The following ADAMTS7 variants were observed in gnomAD, a reference collection of about 807,000 sequenced individuals.
ADAMTS7 encodes A disintegrin and metalloproteinase with thrombospondin motifs 7.
ADAMTS7 carries 89 observed loss-of-function variants against 172.6 expected under a neutral mutation model. The ratio of observed to expected loss-of-function variants is 0.52; its 90% confidence interval spans 0.43 to 0.61. The LOEUF (loss-of-function observed/expected upper bound fraction) is 0.61, where lower values mean the gene tolerates loss of function less well. Ranked by LOEUF, ADAMTS7 falls within the 20% of genes least tolerant of loss-of-function variation. The pLI, the probability that ADAMTS7 is intolerant of heterozygous loss-of-function variation, is 0.00. For synonymous variants in ADAMTS7, 885 were observed against 978.4 expected, an observed-to-expected ratio of 0.90 and a Z score of 1.78; for missense variants, 1,973 against 2,355.6, an observed-to-expected ratio of 0.84 and a Z score of 3.36.
intron 8 of ADAMTS7, among the ~76,000 whole-genome samples, chr15:78,783,198 G>C (rs2055455838): frequency 6.6e-6 from 1 of 152,194 alleles, no homozygotes; most frequent in African/African-American, 2.4e-5. Context: ...GAAGAGTCCT[G>C]CCCAAGTCCA....
intron 10 of ADAMTS7, 107 bp downstream of exon 10, chr15:78,776,642 C>T (rs774097693): frequency 8.4e-7 from 1 of 1,196,806 alleles, no homozygotes. Context: ...TGGGGCTCTG[C>T]TAGGAGCACA....
intron 1 of ADAMTS7, among the ~76,000 whole-genome samples, chr15:78,805,949 G>A (rs140038483): frequency 7.8e-4 from 118 of 151,844 alleles, no homozygotes; most frequent in Admixed American, 2.6e-3. Flanking sequence ...GCATGGTGGT[G>A]TATGCCTATA....
chr15:78,770,437 G>A (rs1411644345), intron 16 of ADAMTS7, among the ~76,000 whole-genome samples: 1 of 140,668 alleles, frequency 7.1e-6, no homozygotes, highest in Non-Finnish European at 1.5e-5. Context: ...CTGAGGTGTG[G>A]GGAGATCAAG....
chr15:78,798,496 A>G (rs1358240511), intron 2 of ADAMTS7, among the ~76,000 whole-genome samples: 2 of 151,948 alleles, frequency 1.3e-5, no homozygotes, highest in Admixed American at 6.6e-5. Flanking sequence ...GCTATTCTCC[A>G]TCTCCTCTGC....
At chr15:78,804,933 G>C (rs1317433721) in intron 1 of ADAMTS7, among the ~76,000 whole-genome samples, 2 of 152,198 alleles carry the variant, frequency 1.3e-5, no homozygotes, top group Non-Finnish European at 2.9e-5. Flanking sequence ...AGAGCCTCCG[G>C]GAACTGTGAT....
At position 78,763,692 on chromosome 15, in the gene ADAMTS7, G is replaced by A. The variant is rs374374714; in HGVS notation, c.4740+7C>T. ...TGCTCCCTGCTCCTCCCCGCAGCCC[G>A]GCTCACCTGGCCCCAGGGCCCCACC... On this transcript the variant is annotated splice_region_variant and intron_variant, in intron 22 of 23. Coordinates refer to ENST00000388820, the MANE Select transcript of ADAMTS7 (RefSeq NM_014272.5). 13 of 1,524,862 alleles carry A rather than the reference G, an allele frequency of 8.5e-6. No homozygotes were observed. The highest frequency in any genetic ancestry group is 4.6e-5 in the East Asian group (2 of 43,946). The allele number at this position is 1,524,862 out of a possible 1,614,324, so 94.5% of individuals were successfully genotyped here.
chr15:78,798,248 C>A lies in ADAMTS7; in HGVS notation c.457-135G>T. 4 of 819,054 alleles carry A rather than the reference C, an allele frequency of 4.9e-6. No homozygotes were observed. The South Asian group carries it at 6.4e-5, about 13-fold the overall frequency. The allele number at this position is 819,054 out of a possible 1,614,324, so 50.7% of individuals were successfully genotyped here. A position where few individuals can be genotyped will look rare whatever the true frequency, so the allele number is the denominator to read the frequency against. ...TGTGACTGCCCGCGGACACACTGTA[C>A]TTTCCTCCCGCTGGGCCTTTGCTCA... is the stretch of plus-strand genomic sequence containing the variant. On this transcript the variant is annotated intron_variant, in intron 2 of 23. Transcript: ENST00000388820.
At chr15:78,783,606 T>A (rs1347027040) in intron 8 of ADAMTS7, among the ~76,000 whole-genome samples, 2 of 152,182 alleles carry the variant, frequency 1.3e-5, no homozygotes, top group East Asian at 1.9e-4. Context: ...AAACAAATAT[T>A]TTTTTAAAAA....
chr15:78,811,084 G>A (rs1222692373), intron 1 of ADAMTS7, 37 bp downstream of exon 1: 59 of 1,229,262 alleles, frequency 4.8e-5, no homozygotes, highest in Non-Finnish European at 5.8e-5. Flanking sequence ...GGGAAGGGGT[G>A]GCAGGCCCGG....
chr15:78,762,217 G>A (rs1384609825), intron 23 of ADAMTS7, 186 bp downstream of exon 23: 1 of 738,668 alleles, frequency 1.4e-6, no homozygotes, highest in Non-Finnish European at 1.7e-6. Flanking sequence ...CTGACTCCCA[G>A]CACAGCCCAG....
chr15:78,780,678 C>G (rs1299966053), intron 8 of ADAMTS7, among the ~76,000 whole-genome samples: 1 of 151,870 alleles, frequency 6.6e-6, no homozygotes, highest in East Asian at 1.9e-4. Context: ...CCCTCCAGTG[C>G]CCCCCCACCA....
rs3825807 is a variant in ADAMTS7, at chr15:78,796,769, A to G, written c.640T>C (p.Ser214Pro). 649,162 of 1,609,266 alleles carry G rather than the reference A, an allele frequency of 0.4. 137,567 individuals are homozygous for G. Among genetic ancestry groups the G allele is most frequent in the Non-Finnish European group, 0.45 (525,265 of 1,179,160 alleles). Residue 214 changes from serine to proline, a missense_variant, in exon 4 of 24, where the codon TCT becomes CCT. Physicochemically the swap from Ser to Pro is moderately conservative, Grantham distance 74. Around this residue, in one of 8 missense-constraint regions of ADAMTS7, gnomAD observed 526 missense variants for 662.9 expected, o/e 0.79. Coordinates refer to ENST00000388820, the MANE Select transcript of ADAMTS7 (RefSeq NM_014272.5). ...CGVQVYPELE[S>P]RRERWEQRQQ... ...CGCTGCTCCCAACGCTCCCGTCGAG[A>G]CTCCAGCTCTGGGTACACTGGAGGC...
intron 1 of ADAMTS7, among the ~76,000 whole-genome samples, chr15:78,808,073 C>G (rs771178444): frequency 1.5e-4 from 23 of 152,006 alleles, no homozygotes; most frequent in South Asian, 4.1e-4. Flanking sequence ...CCAGGCTGGT[C>G]TTGAATTTCT....
Position 78,771,563 on chromosome 15 carries a change from C to T in ADAMTS7, c.2376+22G>A. On this transcript the variant is annotated intron_variant, in intron 15 of 23. Transcript: ENST00000388820. This position sits in a 1 kb window ranked among gnomAD's most constrained non-coding sequence, Gnocchi z 4.9. ...GGGACTCCGCCTCTGCTCCCCCCGCCTGGGCCACGGGAGGCAGGCACCTGG... is the reference window on the plus strand; with the variant it reads ...GGGACTCCGCCTCTGCTCCCCCCGCTTGGGCCACGGGAGGCAGGCACCTGG... 6.3e-7 allele frequency: 1 copy of T among 1,584,426 alleles called. No individual in the cohort carries two copies. The highest frequency in any genetic ancestry group is 8.5e-7 in the Non-Finnish European group (1 of 1,170,898).
At chr15:78,791,325 T>G in intron 4 of ADAMTS7, 102 bp from the exon 5 acceptor site, 1 of 871,160 alleles carries the variant, frequency 1.1e-6, no homozygotes, top group South Asian at 1.7e-5. Context: ...CGCACACCTG[T>G]GCTCACACAC....
At chr15:78,765,517 C>A in intron 19 of ADAMTS7, 128 bp downstream of exon 19, 2 of 1,473,906 alleles carry the variant, frequency 1.4e-6, no homozygotes, top group South Asian at 2.5e-5. Flanking sequence ...CCCCCTAATC[C>A]TGGGAACCCC....
At chr15:78,777,253 A>C (rs1596185759) in intron 9 of ADAMTS7, 191 bp downstream of exon 9, 1 of 777,954 alleles carries the variant, frequency 1.3e-6, no homozygotes, top group East Asian at 2.7e-5. Context: ...CCCAGAATTC[A>C]GAGCTGGGTC....
At chr15:78,769,955 A>G (rs955160920) in intron 16 of ADAMTS7, among the ~76,000 whole-genome samples, 1 of 152,206 alleles carries the variant, frequency 6.6e-6, no homozygotes, top group Non-Finnish European at 1.5e-5. Flanking sequence ...TGAGGTCAGG[A>G]GTTCAAGACC....
At chr15:78,790,549 CAA>C (rs1307536490) in intron 6 of ADAMTS7, 119 bp downstream of exon 6, 1 of 1,369,894 alleles carries the variant, frequency 7.3e-7, no homozygotes, top group Admixed American at 2.1e-5. Flanking sequence ...CAAAGGTGCG[CAA>C]ACTCTCCTCA....
Sources: allele counts gnomAD v4.1 joint callset (sites outside exome capture counted in the v4.1 genomes callset), GRCh38; gene constraint gnomAD v4.1.1; regional missense constraint gnomAD v4.1.1; non-coding constraint Gnocchi (gnomAD v3.1); transcripts MANE v1.5; gene names NCBI Gene and HGNC (gene_info 2026-07-23, HGNC 2026-07-21).